The following SORCS3 variants were observed in gnomAD, a reference collection of about 807,000 sequenced individuals.
The protein encoded by SORCS3 is sortilin related VPS10 domain containing receptor 3.
Under a neutral mutation model 146.3 loss-of-function variants are expected in SORCS3, and 57 were observed. The ratio of observed to expected loss-of-function variants is 0.39; its 90% CI spans 0.31 to 0.49. The LOEUF (loss-of-function observed/expected upper bound fraction) is 0.49. Among genes scored for constraint, SORCS3 ranks in the 20% least tolerant of loss-of-function variants. The probability of loss-of-function intolerance (pLI) is 0.92; values close to 1 mark genes in which losing one functional copy is unlikely to be tolerated. For synonymous variants in SORCS3, 653 were observed against 618.5 expected (o/e 1.06, Z -0.83); for missense variants, 1,341 against 1,575.5 (o/e 0.85, Z 2.52).
rs149520421 is a variant in SORCS3 at position 105,029,495 on chromosome 10, C to A, written c.955-13560C>A. Among the ~76,000 whole-genome samples the A allele has an allele frequency of 4.7e-3, 719 of 152,256 alleles. 4 individuals are homozygous for A. The highest frequency in any genetic ancestry group is 7.8e-3 in the Non-Finnish European group (531 of 68,024). On this transcript the variant is annotated intron_variant, in intron 4 of 26. Transcript: ENST00000369701. ...AATTGTACTTTCAGGAAATACAGTCCAGCTGTTACTCTGCATTTTAGCTGA... is the reference window on the plus strand; with the variant it reads ...AATTGTACTTTCAGGAAATACAGTCAAGCTGTTACTCTGCATTTTAGCTGA...
intron 1 of SORCS3, among the ~76,000 whole-genome samples, chr10:104,777,324 G>A (rs1486006603): frequency 6.6e-6 from 1 of 152,152 alleles, no homozygotes; most frequent in African/African-American, 2.4e-5. Flanking sequence ...GTCCTCCGGG[G>A]GTAGCTGCAC....
chr10:105,141,986 A>G (rs937168255), intron 8 of SORCS3, among the ~76,000 whole-genome samples: 3 of 152,118 alleles, frequency 2.0e-5, no homozygotes, highest in African/African-American at 7.2e-5. Context: ...AATCTAAGGA[A>G]TGGTTTTGGT....
chr10:104,906,328 C>T (rs1177588883), intron 2 of SORCS3, among the ~76,000 whole-genome samples: 2 of 152,080 alleles, frequency 1.3e-5, no homozygotes, highest in African/African-American at 2.4e-5. Flanking sequence ...ATGTAGCAGG[C>T]CCCCCATCCT....
intron 4 of SORCS3, among the ~76,000 whole-genome samples, chr10:105,005,893 C>T (rs919314812): frequency 6.6e-5 from 10 of 152,062 alleles, no homozygotes; most frequent in African/African-American, 1.7e-4. Flanking sequence ...AATTTAGCAC[C>T]GGGTTTCTAT....
chr10:105,189,618 G>A (rs74157461), intron 14 of SORCS3, among the ~76,000 whole-genome samples: 1,522 of 152,184 alleles, frequency 0.01, 33 homozygotes, highest in South Asian at 0.048. Flanking sequence ...ATGGTGCTGC[G>A]GTCACATATG....
At position 104,686,996 on chromosome 10, in the gene SORCS3, C is replaced by T. The variant is rs535873216; in HGVS notation, c.627+45042C>T. 3.3e-5 allele frequency among the ~76,000 whole-genome samples: 5 copies of T among 152,104 alleles called. No individual in the cohort carries two copies. In the South Asian group the frequency reaches 1.0e-3, roughly 32 times the overall value. ...ATTCATCTATCCATCCATCCATGTA[C>T]CCATCCTTCCATCTATCTATTCATC... On this transcript the variant is annotated intron_variant, in intron 1 of 26. Transcript: ENST00000369701.
intron 1 of SORCS3, among the ~76,000 whole-genome samples, chr10:104,706,256 G>GGA (rs1214220061): frequency 8.0e-6 from 1 of 125,666 alleles, no homozygotes; most frequent in Non-Finnish European, 1.6e-5. Flanking sequence ...TGGCCAGACT[G>GGA]GAGTGCAGTG....
chr10:104,783,688 T>C (rs1344724525), intron 1 of SORCS3, among the ~76,000 whole-genome samples: 1 of 151,924 alleles, frequency 6.6e-6, no homozygotes, highest in East Asian at 1.9e-4. Context: ...GATTGCGCCA[T>C]TGCACTCCAT....
intron 1 of SORCS3, among the ~76,000 whole-genome samples, chr10:104,794,994 T>C (rs1240531073): frequency 6.6e-6 from 1 of 152,198 alleles, no homozygotes; most frequent in African/African-American, 2.4e-5. Flanking sequence ...TTCTTAGGTA[T>C]ATCAGACCCA....
intron 20 of SORCS3, among the ~76,000 whole-genome samples, chr10:105,229,881 T>C (rs2056757040): frequency 6.6e-6 from 1 of 151,778 alleles, no homozygotes; most frequent in Non-Finnish European, 1.5e-5. Flanking sequence ...GGTGGGTGAG[T>C]GGGTTCTGTG....
chr10:105,107,313 ATT>A (rs34529775), intron 7 of SORCS3, among the ~76,000 whole-genome samples: 31 of 134,256 alleles, frequency 2.3e-4, no homozygotes, highest in Admixed American at 2.3e-4. Context: ...TTCTATTTAG[ATT>A]TTTTTTTTTT....
chr10:105,139,283 C>A, intron 7 of SORCS3, 114 bp from the exon 8 acceptor site: 1 of 784,382 alleles, frequency 1.3e-6, no homozygotes, highest in Non-Finnish European at 2.2e-6. Flanking sequence ...AAGGAATATT[C>A]TCTAAAAGGT....
intron 6 of SORCS3, among the ~76,000 whole-genome samples, chr10:105,096,584 G>A (rs1486707475): frequency 6.6e-6 from 1 of 152,162 alleles, no homozygotes; most frequent in Non-Finnish European, 1.5e-5. Context: ...GTGCTGTGGG[G>A]ACCAAAAGGA....
chr10:105,134,230 T>C (rs1428922960), intron 7 of SORCS3, among the ~76,000 whole-genome samples: 2 of 152,174 alleles, frequency 1.3e-5, no homozygotes. Flanking sequence ...ACTCAAAACC[T>C]CTGTAGAGTT....
intron 1 of SORCS3, among the ~76,000 whole-genome samples, chr10:104,795,226 A>G (rs981070323): frequency 2.0e-5 from 3 of 152,226 alleles, no homozygotes; most frequent in South Asian, 2.1e-4. Context: ...AAGTCATCAG[A>G]TGGTTCCTCC....
intron 7 of SORCS3, among the ~76,000 whole-genome samples, chr10:105,113,215 GC>G (rs2055870592): frequency 6.6e-6 from 1 of 152,170 alleles, no homozygotes; most frequent in Admixed American, 6.5e-5. Context: ...CAAAGGTGAG[GC>G]TTTTCCATGT....
intron 4 of SORCS3, among the ~76,000 whole-genome samples, chr10:104,984,989 G>A (rs1457293239): frequency 1.3e-5 from 2 of 152,088 alleles, no homozygotes; most frequent in Non-Finnish European, 2.9e-5. Context: ...GACTCCTAAG[G>A]GTGGTGGTTG....
intron 4 of SORCS3, among the ~76,000 whole-genome samples, chr10:104,978,068 C>T (rs949673765): frequency 1.3e-5 from 2 of 152,058 alleles, no homozygotes; most frequent in Non-Finnish European, 2.9e-5. Flanking sequence ...ACTCATTTGA[C>T]CTTATTCAAA....
rs535617313 is a variant in SORCS3 at position 104,751,924 on chromosome 10, C to A, written c.628-90868C>A. ...AAAAAATGTAAATGCTAATAGGAAGCATATATATATATATATATATATATA... is the reference window on the plus strand; with the variant it reads ...AAAAAATGTAAATGCTAATAGGAAGAATATATATATATATATATATATATA... On this transcript the variant is annotated intron_variant, in intron 1 of 26. Coordinates refer to ENST00000369701, the MANE Select transcript of SORCS3 (RefSeq NM_014978.3). 4.3e-3 allele frequency among the ~76,000 whole-genome samples: 165 copies of A among 38,450 alleles called. 1 individual carries two copies. Among genetic ancestry groups the A allele is most frequent in the Non-Finnish European group, 9.5e-3 (145 of 15,212 alleles). 25.2% of individuals were successfully genotyped at this position (38,450 alleles called of 152,430 possible).
Sources: allele counts gnomAD v4.1 joint callset (sites outside exome capture counted in the v4.1 genomes callset), GRCh38; gene constraint gnomAD v4.1.1; transcripts MANE v1.5; gene names NCBI Gene and HGNC (gene_info 2026-07-23, HGNC 2026-07-21).